The following ZNF701 variants were observed in gnomAD, a reference collection of about 807,000 sequenced individuals.
ZNF701 encodes zinc finger protein 701.
In ZNF701, 6 loss-of-function variants were observed where a neutral mutation model predicts 7.1. The ratio of observed to expected loss-of-function variants is 0.84; its 90% CI spans 0.46 to 1.66. The LOEUF is 1.66. Ranked by LOEUF, ZNF701 falls within the 40% of genes most tolerant of loss-of-function variation. ZNF701 has a pLI of 0.01. For synonymous variants in ZNF701, 166 were observed against 188.2 expected (o/e 0.88, Z 0.97); for missense variants, 541 against 559.2 (o/e 0.97, Z 0.33).
At chr19:52,595,713 A>G in the ZNF701 span, 1 of 1,526,550 alleles carries the variant, frequency 6.6e-7, no homozygotes, top group Non-Finnish European at 9.1e-7. Context: ...CATGAAAGTC[A>G]TCACACTGGA....
At position 52,584,702 on chromosome 19, in the gene ZNF701, T is replaced by G. The variant is rs2059997925; in HGVS notation, c.*1245T>G. 6.6e-6 allele frequency: 1 copy of G among 152,270 alleles called. No individual in the cohort carries two copies. The highest frequency in any genetic ancestry group is 6.5e-5 in the Admixed American group (1 of 15,286). 9.4% of individuals were successfully genotyped at this position (152,270 alleles called of 1,614,324 possible). ...AAGATCTCTAGCAAATGGAAGTGTT[T>G]TTTAATTTTCGTTTAAATTTTTTAT... On this transcript the variant is annotated 3_prime_UTR_variant, in exon 4 of 4. Transcript: ENST00000391785.
At chr19:52,573,916 G>A (rs1273300818) in intron 1 of ZNF701, among the ~76,000 whole-genome samples, 161 bp from the exon 2 acceptor site, 1 of 152,220 alleles carries the variant, frequency 6.6e-6, no homozygotes, top group Non-Finnish European at 1.5e-5. Flanking sequence ...TCTCCAGGAG[G>A]GAAGCGAGAG....
In ZNF701 at chr19:52,586,587, C is replaced by G. The variant is rs968417056; in HGVS notation, c.*3130C>G. 18 of 152,254 alleles carry G rather than the reference C, an allele frequency of 1.2e-4. No homozygotes were observed. Among genetic ancestry groups the G allele is most frequent in the East Asian group, 7.8e-4 (4 of 5,146 alleles). The allele number at this position is 152,254 out of a possible 1,614,324, so 9.4% of individuals were successfully genotyped here. On this transcript the variant is annotated 3_prime_UTR_variant, in exon 4 of 4. Transcript: ENST00000391785. ...GCATTTTGTAGAAGGATGGCCAACGCAGCCTGTTGACCCTTCCTGGCCATC... is the reference window on the plus strand; with the variant it reads ...GCATTTTGTAGAAGGATGGCCAACGGAGCCTGTTGACCCTTCCTGGCCATC...
intron 3 of ZNF701, among the ~76,000 whole-genome samples, chr19:52,577,818 C>T (rs933032545): frequency 6.6e-6 from 1 of 152,114 alleles, no homozygotes; most frequent in African/African-American, 2.4e-5. Context: ...CATCCGGAGG[C>T]CTAAACCCCT....
rs1049242199 is a variant in ZNF701, at chr19:52,585,807, A to G, written c.*2350A>G. ...TGAGGCCAGAGCAGATGGGTGCCCT[A>G]TGCAGATGAAGGGGTGGCCGGTGCT... On this transcript the variant is annotated 3_prime_UTR_variant, in exon 4 of 4. Transcript: ENST00000391785. 1 of 152,272 alleles carries G rather than the reference A, an allele frequency of 6.6e-6. No homozygotes were observed. Among genetic ancestry groups the G allele is most frequent in the Non-Finnish European group, 1.5e-5 (1 of 68,082 alleles). The allele number at this position is 152,272 out of a possible 1,614,324, so 9.4% of individuals were successfully genotyped here.
In ZNF701 at chr19:52,586,922, AT is replaced by A. The variant is rs1197144589; in HGVS notation, c.*3466del. 1 of 152,138 alleles carries A rather than the reference AT, an allele frequency of 6.6e-6. No homozygotes were observed. The highest frequency in any genetic ancestry group is 2.4e-5 in the African/African-American group (1 of 41,424). 9.4% of individuals were successfully genotyped at this position (152,138 alleles called of 1,614,324 possible). A position where few individuals can be genotyped will look rare whatever the true frequency, so the allele number is the denominator to read the frequency against. On this transcript the variant is annotated 3_prime_UTR_variant, in exon 4 of 4. Coordinates refer to ENST00000391785, the MANE Select transcript of ZNF701 (RefSeq NM_018260.3). ...CATCTCATGGCTTTGACCCACCTAC[AT>A]GGCTCCGTGTCCCCTGCAGGCCTCG...
the ZNF701 span, chr19:52,597,416 T>G: frequency 3.9e-6 from 2 of 519,164 alleles, no homozygotes; most frequent in South Asian, 2.9e-5. Flanking sequence ...ATTTTTGAGA[T>G]AACTGTTCCA....
rs2059907191 is a variant in ZNF701 at position 52,572,424 on chromosome 19, T to G, written c.-71-1653T>G. ...TTTATAAATGTTACTGTAATTTTCT[T>G]GTGAGGAAGAATTAAATGTTGGGAA... On this transcript the variant is annotated intron_variant, in intron 1 of 3. Coordinates refer to ENST00000391785, the MANE Select transcript of ZNF701 (RefSeq NM_018260.3). 3.1e-6 allele frequency: 4 copies of G among 1,276,962 alleles called. No homozygotes were observed. In the South Asian group the frequency reaches 5.1e-5, roughly 16 times the overall value. The allele number at this position is 1,276,962 out of a possible 1,614,324, so 79.1% of individuals were successfully genotyped here. A position where few individuals can be genotyped will look rare whatever the true frequency, so the allele number is the denominator to read the frequency against.
chr19:52,596,707 C>T, the ZNF701 span: 36 of 490,594 alleles, frequency 7.3e-5, no homozygotes, highest in African/African-American at 4.9e-4. Flanking sequence ...ACACATTTCA[C>T]GAGTATGGAA....
In ZNF701 at chr19:52,583,746, A is replaced by G. The variant is rs1290409550; in HGVS notation, c.*289A>G. On this transcript the variant is annotated 3_prime_UTR_variant, in exon 4 of 4. Transcript: ENST00000391785. Reference sequence around the variant, plus strand: ...TGGCAGAGCCTTTGGTGGTCAGTCAACACTTACTCACCATCAAGCAATCCA... The same window carrying G: ...TGGCAGAGCCTTTGGTGGTCAGTCAGCACTTACTCACCATCAAGCAATCCA... The G allele has an allele frequency of 6.2e-5, 43 of 690,058 alleles. No homozygotes were observed. Among genetic ancestry groups the G allele is most frequent in the Non-Finnish European group, 8.6e-5 (33 of 382,250 alleles). 42.7% of individuals were successfully genotyped at this position (690,058 alleles called of 1,614,324 possible). A position where few individuals can be genotyped will look rare whatever the true frequency, so the allele number is the denominator to read the frequency against.
chr19:52,597,135 G>A, the ZNF701 span: 1 of 786,776 alleles, frequency 1.3e-6, no homozygotes, highest in South Asian at 1.3e-5. Flanking sequence ...ATCATATCTT[G>A]CAGTTTATCA....
chr19:52,589,804 AT>A (rs1472567802), downstream of ZNF701, among the ~76,000 whole-genome samples: 2 of 151,656 alleles, frequency 1.3e-5, no homozygotes, highest in South Asian at 2.1e-4. Flanking sequence ...CTTTAAAAAA[AT>A]TTTTTTGAGA....
intron 1 of ZNF701, chr19:52,570,668 C>T (rs559369101): frequency 6.6e-6 from 1 of 152,398 alleles, no homozygotes; most frequent in African/African-American, 2.4e-5. Flanking sequence ...CTCCCAGTCT[C>T]AACCTTTAGG....
At chr19:52,573,275 T>C (rs1232919706) in intron 1 of ZNF701, 1 of 153,178 alleles carries the variant, frequency 6.5e-6, no homozygotes, top group East Asian at 1.9e-4. Flanking sequence ...AGTCTTACTC[T>C]GTTGCCCTGG....
Position 52,574,409 on chromosome 19 carries a change from A to G in ZNF701, c.15+247A>G, listed in dbSNP as rs1211247258. 1.1e-4 allele frequency among the ~76,000 whole-genome samples: 17 copies of G among 152,012 alleles called. 1 individual carries two copies. Among genetic ancestry groups the G allele is most frequent in the Admixed American group, 1.1e-3 (17 of 15,248 alleles). On this transcript the variant is annotated intron_variant, in intron 2 of 3. Coordinates refer to ENST00000391785, the MANE Select transcript of ZNF701 (RefSeq NM_018260.3). ...GGCTCACACCCAGACATGTATGGAGATGGGGTGAGGGTCCCGCAGTGTCAG... is the reference window on the plus strand; with the variant it reads ...GGCTCACACCCAGACATGTATGGAGGTGGGGTGAGGGTCCCGCAGTGTCAG...
chr19:52,570,397 C>G (rs556590785), intron 1 of ZNF701, 67 bp downstream of exon 1: 14 of 152,510 alleles, frequency 9.2e-5, no homozygotes, highest in African/African-American at 3.4e-4. Context: ...GTACCTGGGA[C>G]GTGGGGTCAC....
intron 1 of ZNF701, chr19:52,572,640 C>G (rs8107245): frequency 5.8e-6 from 2 of 346,834 alleles, no homozygotes; most frequent in South Asian, 2.2e-5. Flanking sequence ...AAAATGTCCC[C>G]GTTCTGAGGA....
At chr19:52,574,550 CGTGGTAAATTCTAG>C (rs1408909757) in intron 2 of ZNF701, among the ~76,000 whole-genome samples, 4 of 152,086 alleles carry the variant, frequency 2.6e-5, no homozygotes, top group African/African-American at 9.7e-5. Flanking sequence ...GCACAAAGTA[CGTGGTAAATTCTAG>C]AAAAGGAGAC....
At chr19:52,588,786 C>G (rs1031865962), downstream of ZNF701, among the ~76,000 whole-genome samples, 3 of 152,258 alleles carry the variant, frequency 2.0e-5, no homozygotes, top group African/African-American at 7.2e-5. Flanking sequence ...CTCTATTGCC[C>G]AGGCTGGAGT....
Sources: allele counts gnomAD v4.1 joint callset (sites outside exome capture counted in the v4.1 genomes callset), GRCh38; gene constraint gnomAD v4.1.1; transcripts MANE v1.5; gene names NCBI Gene and HGNC (gene_info 2026-07-23, HGNC 2026-07-21).